SPATA16: variants seen among roughly 807,000 people sequenced by gnomAD.
SPATA16 encodes the protein spermatogenesis-associated protein 16.
Under a neutral mutation model 63.3 loss-of-function variants are expected in SPATA16, and 36 were observed. The observed-to-expected ratio is 0.57, with a 90% CI of 0.44 to 0.75. The LOEUF is 0.75. Among genes scored for constraint, SPATA16 ranks in the 30% least tolerant of loss-of-function variants. SPATA16 has a pLI of 0.00. For synonymous variants in SPATA16, 203 were observed against 216.7 expected, an observed-to-expected ratio of 0.94 and a Z score of 0.56; for missense variants, 646 against 679.3, an observed-to-expected ratio of 0.95 and a Z score of 0.54.
intron 3 of SPATA16, among the ~76,000 whole-genome samples, chr3:173,047,864 G>C (rs573840322): frequency 8.5e-5 from 13 of 152,112 alleles, no homozygotes; most frequent in Admixed American, 3.3e-4. Context: ...GAGGGAGAAT[G>C]GCTTTCAAAC....
At chr3:173,061,479 G>T (rs1434332893) in intron 2 of SPATA16, among the ~76,000 whole-genome samples, 1 of 152,114 alleles carries the variant, frequency 6.6e-6, no homozygotes. Flanking sequence ...CTCTTCCCTT[G>T]GGTTAATGTA....
chr3:172,956,412 TC>T lies in SPATA16; in HGVS notation c.1081+264del, dbSNP rs540374444. Reference sequence around the variant, plus strand: ...AAGATGGCATTTTACTACAGGTCATTCTTCCATTTTTTAAAATGTTAGATTT... The same window carrying T: ...AAGATGGCATTTTACTACAGGTCATTTTCCATTTTTTAAAATGTTAGATTT... On this transcript the variant is annotated intron_variant, in intron 6 of 10. Transcript: ENST00000351008. Among the ~76,000 whole-genome samples, 13 of 152,300 alleles carry T rather than the reference TC, an allele frequency of 8.5e-5. No individual in the cohort carries two copies. In the South Asian group the frequency reaches 2.5e-3, roughly 29 times the overall value.
chr3:173,014,774 G>A (rs529725247), intron 4 of SPATA16, among the ~76,000 whole-genome samples: 4 of 152,094 alleles, frequency 2.6e-5, no homozygotes, highest in East Asian at 1.9e-4. Context: ...TGATATGGCC[G>A]GTGTGCTTGT....
At chr3:173,002,604 G>T (rs111369115) in intron 4 of SPATA16, among the ~76,000 whole-genome samples, 10 of 152,272 alleles carry the variant, frequency 6.6e-5, no homozygotes, top group African/African-American at 2.2e-4. Context: ...AGAACAAAAG[G>T]CAAAGAATAG....
At chr3:172,993,329 T>C (rs1002399756) in intron 4 of SPATA16, among the ~76,000 whole-genome samples, 1 of 152,154 alleles carries the variant, frequency 6.6e-6, no homozygotes, top group Non-Finnish European at 1.5e-5. Context: ...ATTTGAAACC[T>C]ATTTTTAAAA....
rs1735175071 is a variant in SPATA16 at position 173,015,874 on chromosome 3, G to GTA, written c.848+3611_848+3612insTA. Among the ~76,000 whole-genome samples the GTA allele has an allele frequency of 2.6e-5, 4 of 152,068 alleles. 1 individual carries two copies. The highest frequency in any genetic ancestry group is 6.8e-3 in the Middle Eastern group (2 of 294). ...AGTCCCAAATGGGGTGTGTGTGTGT[G>GTA]TGTGTGTGTGTGTGTGTGTAAGTAT... On this transcript the variant is annotated intron_variant, in intron 4 of 10. Coordinates refer to ENST00000351008, the MANE Select transcript of SPATA16 (RefSeq NM_031955.6).
At position 173,115,954 on chromosome 3, in the gene SPATA16, G is replaced by A. The variant is rs115726226; in HGVS notation, c.612+1166C>T. 7.1e-3 allele frequency among the ~76,000 whole-genome samples: 1,071 copies of A among 151,074 alleles called. 13 individuals are homozygous for A. Among genetic ancestry groups the A allele is most frequent in the African/African-American group, 0.025 (1,010 of 41,098 alleles). ...GTTGCCCAGCCTGGAATGCAGTGGT[G>A]TAATTATAGCACACTGCACTCTCGA... On this transcript the variant is annotated intron_variant, in intron 2 of 10. Transcript: ENST00000351008.
intron 5 of SPATA16, among the ~76,000 whole-genome samples, chr3:172,963,519 T>C (rs139365383): frequency 2.0e-4 from 30 of 152,096 alleles, no homozygotes; most frequent in African/African-American, 6.3e-4. Flanking sequence ...TTTTAGAACA[T>C]ATATATGTAT....
intron 9 of SPATA16, among the ~76,000 whole-genome samples, 162 bp downstream of exon 9, chr3:172,916,155 C>T (rs1013951410): frequency 6.6e-6 from 1 of 151,970 alleles, no homozygotes; most frequent in African/African-American, 2.4e-5. Context: ...CACCTTCCTA[C>T]ATTTTTCAGT....
intron 4 of SPATA16, among the ~76,000 whole-genome samples, chr3:172,989,594 A>C (rs1173933738): frequency 6.6e-6 from 1 of 152,166 alleles, no homozygotes; most frequent in African/African-American, 2.4e-5. Context: ...CAGTTTCATC[A>C]TAGTACAATG....
At chr3:172,970,339 A>G (rs891992459) in intron 5 of SPATA16, among the ~76,000 whole-genome samples, 1 of 152,074 alleles carries the variant, frequency 6.6e-6, no homozygotes, top group South Asian at 2.1e-4. Context: ...ACCTTTCCCT[A>G]TATCTTATTC....
chr3:172,935,904 GGAAAAA>G (rs766793840), intron 6 of SPATA16, among the ~76,000 whole-genome samples: 1 of 152,018 alleles, frequency 6.6e-6, no homozygotes, highest in Non-Finnish European at 1.5e-5. Flanking sequence ...TCTATGGTAT[GGAAAAA>G]GAAAAAGAAA....
chr3:173,092,161 TA>T (rs909684456), intron 2 of SPATA16, among the ~76,000 whole-genome samples: 9 of 152,118 alleles, frequency 5.9e-5, no homozygotes, highest in African/African-American at 2.2e-4. Flanking sequence ...CCATCAGCAA[TA>T]ATATTCTTTG....
chr3:172,971,106 A>G (rs1734036969), intron 5 of SPATA16, among the ~76,000 whole-genome samples: 1 of 152,184 alleles, frequency 6.6e-6, no homozygotes, highest in Admixed American at 6.5e-5. Flanking sequence ...GTTTGAAAGA[A>G]GCAGTTAGGA....
chr3:173,126,498 C>T (rs980430803), intron 1 of SPATA16, among the ~76,000 whole-genome samples: 2 of 152,172 alleles, frequency 1.3e-5, no homozygotes, highest in Non-Finnish European at 2.9e-5. Context: ...GCTCTGTCTT[C>T]CTGTAAAAGT....
intron 2 of SPATA16, among the ~76,000 whole-genome samples, chr3:173,108,431 G>A (rs1577178613): frequency 6.6e-6 from 1 of 152,080 alleles, no homozygotes; most frequent in Admixed American, 6.5e-5. Context: ...AACCTATTGT[G>A]ATTTTAAAAG....
intron 6 of SPATA16, among the ~76,000 whole-genome samples, chr3:172,927,274 T>C (rs969691214): frequency 6.6e-6 from 1 of 152,238 alleles, no homozygotes; most frequent in African/African-American, 2.4e-5. Flanking sequence ...CCTCAGTTTT[T>C]CAAAACACTG....
intron 8 of SPATA16, among the ~76,000 whole-genome samples, chr3:172,919,188 A>G (rs542461675): frequency 6.6e-6 from 1 of 152,362 alleles, no homozygotes; most frequent in Admixed American, 6.5e-5. Context: ...TTAACTCTTT[A>G]ACATTTAGCC....
intron 6 of SPATA16, among the ~76,000 whole-genome samples, chr3:172,954,835 G>A (rs185834730): frequency 1.5e-3 from 225 of 152,320 alleles, no homozygotes; most frequent in African/African-American, 4.9e-3. Flanking sequence ...CCAAAGCACA[G>A]TTTCCACAGA....
Sources: gnomAD v4.1 joint callset for allele counts (sites outside exome capture counted in the v4.1 genomes callset) on GRCh38, gnomAD v4.1.1 for gene constraint, MANE v1.5 for transcripts, NCBI Gene and HGNC (gene_info 2026-07-23, HGNC 2026-07-21) for gene names.